The following ANKRD30BL variants were observed in gnomAD, a reference collection of about 807,000 sequenced individuals.
ANKRD30BL encodes putative ankyrin repeat domain-containing protein 30B-like.
ANKRD30BL carries 20 observed loss-of-function variants against 18.4 expected under a neutral mutation model. That is an observed-to-expected ratio of 1.09 (90% CI 0.77 to 1.58). The LOEUF is 1.58. Ranked by LOEUF, ANKRD30BL falls within the 40% of genes most tolerant of loss-of-function variation. ANKRD30BL has a pLI of 0.00. For synonymous variants in ANKRD30BL, 72 were observed against 100.9 expected (o/e 0.71, Z 1.72); for missense variants, 224 against 268.6 (o/e 0.83, Z 1.16).
intron 1 of ANKRD30BL, among the ~76,000 whole-genome samples, chr2:132,179,721 A>G (rs2104946647): frequency 6.6e-6 from 1 of 152,284 alleles, no homozygotes; most frequent in South Asian, 2.1e-4. Context: ...TGACAGCTTC[A>G]TGTGTGTTAT....
chr2:132,157,876 G>T (rs1485397553), intron 1 of ANKRD30BL, among the ~76,000 whole-genome samples: 1 of 152,116 alleles, frequency 6.6e-6, no homozygotes, highest in Non-Finnish European at 1.5e-5. Flanking sequence ...ACTTAACAAA[G>T]AAAACATTTT....
At chr2:132,238,522 T>G (rs1206651145) in intron 1 of ANKRD30BL, among the ~76,000 whole-genome samples, 2 of 151,944 alleles carry the variant, frequency 1.3e-5, no homozygotes, top group Non-Finnish European at 2.9e-5. Flanking sequence ...ACTTGAACAT[T>G]CGTTTTCATG....
At chr2:132,232,494 G>T (rs1323806460) in intron 1 of ANKRD30BL, among the ~76,000 whole-genome samples, 1 of 152,132 alleles carries the variant, frequency 6.6e-6, no homozygotes, top group Non-Finnish European at 1.5e-5. Context: ...GCTTAAAGGA[G>T]CTGATGGAGC....
upstream of ANKRD30BL, among the ~76,000 whole-genome samples, chr2:132,164,897 C>T (rs915088495): frequency 4.6e-5 from 7 of 151,934 alleles, no homozygotes; most frequent in Non-Finnish European, 1.0e-4. Context: ...GGTGAAACCC[C>T]GTCTCTACTA....
chr2:132,188,634 C>T (rs908772220), intron 1 of ANKRD30BL, among the ~76,000 whole-genome samples: 20 of 152,116 alleles, frequency 1.3e-4, no homozygotes, highest in African/African-American at 4.6e-4. Context: ...GGCGTGAACC[C>T]GGGAGGTGGA....
chr2:132,199,890 G>T (rs946158740), intron 1 of ANKRD30BL, among the ~76,000 whole-genome samples: 3 of 152,120 alleles, frequency 2.0e-5, no homozygotes, highest in African/African-American at 4.8e-5. Context: ...TATCCTTGAT[G>T]AACATTGATG....
At chr2:132,173,172 A>G (rs1688310699) in intron 1 of ANKRD30BL, among the ~76,000 whole-genome samples, 1 of 151,744 alleles carries the variant, frequency 6.6e-6, no homozygotes, top group Non-Finnish European at 1.5e-5. Context: ...TGTAGTTGTT[A>G]CTTTTAAGTC....
chr2:132,221,060 G>A (rs1358723574), intron 1 of ANKRD30BL, among the ~76,000 whole-genome samples: 2 of 150,038 alleles, frequency 1.3e-5, no homozygotes, highest in Non-Finnish European at 3.0e-5. Flanking sequence ...CGCCCCGTCT[G>A]AGAAGTGAGG....
intron 1 of ANKRD30BL, among the ~76,000 whole-genome samples, chr2:132,198,206 CT>C (rs1315039487): frequency 2.0e-5 from 3 of 150,748 alleles, no homozygotes; most frequent in South Asian, 4.2e-4. Context: ...TTTCATTTTT[CT>C]TGTTGAAGAT....
intron 1 of ANKRD30BL, among the ~76,000 whole-genome samples, chr2:132,227,425 T>A (rs1478321247): frequency 3.9e-5 from 6 of 152,098 alleles, no homozygotes; most frequent in Non-Finnish European, 8.8e-5. Context: ...CTTTTTGATG[T>A]TTGCCTTCAA....
intron 1 of ANKRD30BL, among the ~76,000 whole-genome samples, chr2:132,231,889 CACAG>C (rs926421753): frequency 2.0e-5 from 3 of 152,352 alleles, no homozygotes; most frequent in Admixed American, 6.5e-5. Context: ...GGGGGAAGGG[CACAG>C]ACAAACAAAA....
At chr2:132,200,519 A>C (rs1446106378) in intron 1 of ANKRD30BL, among the ~76,000 whole-genome samples, 78 of 152,308 alleles carry the variant, frequency 5.1e-4, no homozygotes, top group African/African-American at 1.8e-3. Flanking sequence ...CAGAGAGCCA[A>C]ATCATGAGTG....
Position 132,161,944 on chromosome 2 carries a change from G to GAACCTTTAGGCAGCTGAGCAA in ANKRD30BL, c.-240_-239insTTGCTCAGCTGCCTAAAGGTT, listed in dbSNP as rs1441547025. The GAACCTTTAGGCAGCTGAGCAA allele has an allele frequency of 9.9e-6, 5 of 506,598 alleles. No homozygotes were observed. Among genetic ancestry groups the GAACCTTTAGGCAGCTGAGCAA allele is most frequent in the African/African-American group, 9.6e-5 (5 of 51,926 alleles). The allele number at this position is 506,598 out of a possible 1,614,324, so 31.4% of individuals were successfully genotyped here. On this transcript the variant is annotated 5_prime_UTR_variant, in exon 1 of 6. Coordinates refer to ENST00000409867, the MANE Select transcript of ANKRD30BL (RefSeq NM_001358416.1). ...AGCAGAACCTTTAGGCAGCTGAGCAGAACCGTTAGGCAACAGCGCATGCGC... is the reference window on the plus strand; with the variant it reads ...AGCAGAACCTTTAGGCAGCTGAGCAGAACCTTTAGGCAGCTGAGCAAAACCGTTAGGCAACAGCGCATGCGC...
At chr2:132,166,007 TGA>T (rs1688181816), upstream of ANKRD30BL, among the ~76,000 whole-genome samples, 1 of 152,190 alleles carries the variant, frequency 6.6e-6, no homozygotes, top group African/African-American at 2.4e-5. Context: ...CCTAGTTTTC[TGA>T]GAGTTTCTCA....
intron 1 of ANKRD30BL, among the ~76,000 whole-genome samples, chr2:132,181,836 G>T (rs1688468741): frequency 6.6e-6 from 1 of 152,172 alleles, no homozygotes; most frequent in Admixed American, 6.5e-5. Flanking sequence ...ACCAGGCTGG[G>T]GGCGGTGGCT....
At chr2:132,252,357 G>A (rs529385081) in intron 1 of ANKRD30BL, among the ~76,000 whole-genome samples, 114 of 152,366 alleles carry the variant, frequency 7.5e-4, no homozygotes, top group African/African-American at 1.6e-3. Context: ...TGGAAGCTCC[G>A]GATGGGGCCC....
chr2:132,149,321 A>G (rs1573794102), intron 5 of ANKRD30BL, among the ~76,000 whole-genome samples: 1 of 152,202 alleles, frequency 6.6e-6, no homozygotes, highest in East Asian at 1.9e-4. Flanking sequence ...TTGTTGTAAC[A>G]AAATTACTAT....
intron 1 of ANKRD30BL, among the ~76,000 whole-genome samples, chr2:132,204,201 G>A (rs1409711727): frequency 2.0e-5 from 3 of 152,006 alleles, no homozygotes; most frequent in African/African-American, 7.2e-5. Context: ...TAAAAGGAGA[G>A]TAATAGAAAA....
chr2:132,171,782 C>T (rs1290621976), intron 1 of ANKRD30BL, among the ~76,000 whole-genome samples: 1 of 152,126 alleles, frequency 6.6e-6, no homozygotes, highest in African/African-American at 2.4e-5. Context: ...GTTCAGAGGA[C>T]ATTACATTCA....
Sources: allele counts gnomAD v4.1 joint callset (sites outside exome capture counted in the v4.1 genomes callset), GRCh38; gene constraint gnomAD v4.1.1; transcripts MANE v1.5; gene names NCBI Gene and HGNC (gene_info 2026-07-23, HGNC 2026-07-21).